SEC61A2: variants seen among roughly 807,000 people sequenced by gnomAD.
SEC61A2 encodes SEC61 translocon subunit alpha 2.
Under a neutral mutation model 59.9 loss-of-function variants are expected in SEC61A2, and 28 were observed. The observed-to-expected ratio is 0.47, with a 90% CI of 0.35 to 0.64. SEC61A2 has a LOEUF of 0.64. Among genes scored for constraint, SEC61A2 ranks in the 30% least tolerant of loss-of-function variants. The probability of loss-of-function intolerance (pLI) is 0.01; values close to 1 mark genes in which losing one functional copy is unlikely to be tolerated. For missense variants in SEC61A2, 340 were observed against 585.9 expected (o/e 0.58, Z 4.33); for synonymous variants, 202 against 214.4 (o/e 0.94, Z 0.50).
At chr10:12,148,795 A>G (rs1834207129) in intron 4 of SEC61A2, among the ~76,000 whole-genome samples, 1 of 152,200 alleles carries the variant, frequency 6.6e-6, no homozygotes, top group Non-Finnish European at 1.5e-5. Flanking sequence ...AAGTGCTGGG[A>G]TTACAGGCGT....
chr10:12,164,595 C>A lies in SEC61A2; in HGVS notation c.*141C>A. The A allele has an allele frequency of 6.9e-7, 1 of 1,452,498 alleles. No individual in the cohort carries two copies. Among genetic ancestry groups the A allele is most frequent in the Non-Finnish European group, 9.0e-7 (1 of 1,108,534 alleles). 90.0% of individuals were successfully genotyped at this position (1,452,498 alleles called of 1,614,324 possible). On this transcript the variant is annotated 3_prime_UTR_variant, in exon 12 of 12. Transcript: ENST00000298428. This position sits in a 1 kb window ranked among gnomAD's most constrained non-coding sequence, Gnocchi z 7.3. ...CTGACTGACCCGTTTCTGAAATGGGCACCGAGCTAAGTCTGTGTGCAGCAT... is the reference window on the plus strand; with the variant it reads ...CTGACTGACCCGTTTCTGAAATGGGAACCGAGCTAAGTCTGTGTGCAGCAT...
At chr10:12,147,195 A>T (rs1479589229) in intron 4 of SEC61A2, among the ~76,000 whole-genome samples, 1 of 152,130 alleles carries the variant, frequency 6.6e-6, no homozygotes, top group Non-Finnish European at 1.5e-5. Flanking sequence ...CTGCCTTAAT[A>T]GTTTTATTTT....
intron 2 of SEC61A2, among the ~76,000 whole-genome samples, chr10:12,134,875 C>T (rs891456840): frequency 7.3e-5 from 11 of 151,050 alleles, no homozygotes; most frequent in African/African-American, 1.7e-4. Flanking sequence ...GCCGAGACTG[C>T]GCCACTGCGC....
intron 8 of SEC61A2, among the ~76,000 whole-genome samples, 156 bp from the exon 9 acceptor site, chr10:12,157,752 C>T (rs571001024): frequency 2.6e-5 from 4 of 152,242 alleles, no homozygotes; most frequent in South Asian, 2.1e-4. Flanking sequence ...CTGCCCGCCT[C>T]GGCCTCCCAA....
intron 3 of SEC61A2, among the ~76,000 whole-genome samples, chr10:12,141,957 GA>G (rs377062096): frequency 1.0e-3 from 157 of 152,306 alleles, no homozygotes; most frequent in African/African-American, 3.7e-3. Context: ...TTTACAGACA[GA>G]AGCATAGTTT....
intron 3 of SEC61A2, among the ~76,000 whole-genome samples, chr10:12,139,400 A>G (rs1833958308): frequency 6.6e-6 from 1 of 152,058 alleles, no homozygotes; most frequent in East Asian, 1.9e-4. Context: ...CTGTAATCCC[A>G]GCACTTTGGG....
intron 2 of SEC61A2, among the ~76,000 whole-genome samples, chr10:12,135,481 T>A (rs1230566493): frequency 6.6e-6 from 1 of 152,202 alleles, no homozygotes; most frequent in South Asian, 2.1e-4. Flanking sequence ...TGTATAAATA[T>A]AAGTAGCACA....
intron 11 of SEC61A2, among the ~76,000 whole-genome samples, chr10:12,163,306 A>C (rs1834571828): frequency 2.5e-4 from 33 of 130,992 alleles, no homozygotes; most frequent in East Asian, 9.4e-4. Context: ...CACCACGGCC[A>C]GCTAGCTTTT....
At chr10:12,144,384 A>C (rs568098358) in intron 4 of SEC61A2, among the ~76,000 whole-genome samples, 3 of 152,274 alleles carry the variant, frequency 2.0e-5, no homozygotes, top group African/African-American at 7.2e-5. Flanking sequence ...TGTATATACT[A>C]TTCTGCTACT....
At position 12,164,465 on chromosome 10, in the gene SEC61A2, A is replaced by T. The variant is rs745347839; in HGVS notation, c.*11A>T. On this transcript the variant is annotated 3_prime_UTR_variant, in exon 12 of 12. Coordinates refer to ENST00000298428, the MANE Select transcript of SEC61A2 (RefSeq NM_018144.4). This position sits in a 1 kb window ranked among gnomAD's most constrained non-coding sequence, Gnocchi z 7.3. ...GCTTTGTTTTTCTAAATGTTCAAATATTTCATTTTGTGCGTGTGAAAGGGA... is the reference window on the plus strand; with the variant it reads ...GCTTTGTTTTTCTAAATGTTCAAATTTTTCATTTTGTGCGTGTGAAAGGGA... 4 of 1,607,626 alleles carry T rather than the reference A, an allele frequency of 2.5e-6. No homozygotes were observed. Among genetic ancestry groups the T allele is most frequent in the Admixed American group, 1.7e-5 (1 of 59,040 alleles).
chr10:12,166,450 G>T (rs149319413), downstream of SEC61A2: 168 of 235,224 alleles, frequency 7.1e-4, no homozygotes, highest in African/African-American at 3.8e-3. Context: ...GTAAAGTTCT[G>T]TATTTCCATA....
chr10:12,142,948 G>C lies in SEC61A2; in HGVS notation c.142-169G>C, dbSNP rs1834054530. On this transcript the variant is annotated intron_variant, in intron 3 of 11. Transcript: ENST00000298428. The surrounding 1 kb of genome is among the most constrained non-coding windows in gnomAD (Gnocchi z 5.4). ...AGTAAGTGAATACCTTGTAAATTAAGTGCACACTTTATACTTTTTTTTTTT... is the reference window on the plus strand; with the variant it reads ...AGTAAGTGAATACCTTGTAAATTAACTGCACACTTTATACTTTTTTTTTTT... 2.0e-5 allele frequency among the ~76,000 whole-genome samples: 3 copies of C among 147,394 alleles called. No homozygotes were observed. The South Asian group carries it at 6.4e-4, about 31-fold the overall frequency.
chr10:12,134,183 A>G lies in SEC61A2; in HGVS notation c.75+875A>G, dbSNP rs1044390540. ...CACCATGCCCGGCTAATTTTTTTGT[A>G]TTTTTAGTAGAGACGGGGTTTCACC... On this transcript the variant is annotated intron_variant, in intron 2 of 11. Coordinates refer to ENST00000298428, the MANE Select transcript of SEC61A2 (RefSeq NM_018144.4). Among the ~76,000 whole-genome samples the G allele has an allele frequency of 7.2e-5, 11 of 151,972 alleles. No individual in the cohort carries two copies. In the East Asian group the frequency reaches 9.7e-4, roughly 13 times the overall value.
intron 3 of SEC61A2, among the ~76,000 whole-genome samples, chr10:12,139,968 C>CAA (rs776277274): frequency 1.9e-5 from 1 of 52,506 alleles, no homozygotes; most frequent in East Asian, 5.3e-4. Flanking sequence ...GACTCCATCT[C>CAA]AAAAAAAAAA....
rs768102520 is a variant in SEC61A2 at position 12,162,492 on chromosome 10, A to G, written c.1244+203A>G. The G allele has an allele frequency of 1.4e-6, 1 of 733,238 alleles. No individual in the cohort carries two copies. The highest frequency in any genetic ancestry group is 1.4e-5 in the South Asian group (1 of 73,254). The allele number at this position is 733,238 out of a possible 1,614,324, so 45.4% of individuals were successfully genotyped here. On this transcript the variant is annotated intron_variant, in intron 11 of 11. Coordinates refer to ENST00000298428, the MANE Select transcript of SEC61A2 (RefSeq NM_018144.4). The surrounding 1 kb of genome is among the most constrained non-coding windows in gnomAD (Gnocchi z 6.1). ...TGAAATTGTGAGCACTGCTCTGCTC[A>G]TCCCAGTGATAAAATCTTGCAGATC...
Position 12,143,003 on chromosome 10 carries a change from A to T in SEC61A2, c.142-114A>T, listed in dbSNP as rs1048844111. The T allele has an allele frequency of 2.8e-6, 2 of 703,316 alleles. No homozygotes were observed. Among genetic ancestry groups the T allele is most frequent in the African/African-American group, 3.6e-5 (2 of 56,148 alleles). The allele number at this position is 703,316 out of a possible 1,614,324, so 43.6% of individuals were successfully genotyped here. On this transcript the variant is annotated intron_variant, in intron 3 of 11. Coordinates refer to ENST00000298428, the MANE Select transcript of SEC61A2 (RefSeq NM_018144.4). This position sits in a 1 kb window ranked among gnomAD's most constrained non-coding sequence, Gnocchi z 4.8. ...CAGAGTCTCCTGTCACCCAGGCTGGAGTGCAGTGGCGTGATCTCAGCTCAC... is the reference window on the plus strand; with the variant it reads ...CAGAGTCTCCTGTCACCCAGGCTGGTGTGCAGTGGCGTGATCTCAGCTCAC...
intron 2 of SEC61A2, 67 bp downstream of exon 2, chr10:12,133,375 C>A (rs147211625): frequency 2.6e-6 from 2 of 779,260 alleles, no homozygotes; most frequent in East Asian, 2.5e-5. Flanking sequence ...CAGCAAAATT[C>A]ATTTCCTTAC....
intron 3 of SEC61A2, among the ~76,000 whole-genome samples, chr10:12,138,571 C>T (rs574855634): frequency 8.5e-5 from 13 of 152,212 alleles, no homozygotes; most frequent in Non-Finnish European, 1.5e-4. Context: ...CATCTGCATC[C>T]TGTGACTGTA....
chr10:12,157,841 C>G, intron 8 of SEC61A2, 67 bp from the exon 9 acceptor site: 3 of 1,455,030 alleles, frequency 2.1e-6, no homozygotes, highest in Non-Finnish European at 2.9e-6. Context: ...TTTGTTTTCC[C>G]TCTCTGGTCT....
Sources: allele counts gnomAD v4.1 joint callset (sites outside exome capture counted in the v4.1 genomes callset), GRCh38; gene constraint gnomAD v4.1.1; non-coding constraint Gnocchi (gnomAD v3.1); transcripts MANE v1.5; gene names NCBI Gene and HGNC (gene_info 2026-07-23, HGNC 2026-07-21).